DAZAP1: variants seen among roughly 807,000 people sequenced by gnomAD.
DAZAP1 encodes DAZ-associated protein 1.
A neutral mutation model predicts 60.1 loss-of-function variants in DAZAP1; 6 were observed. The ratio of observed to expected loss-of-function variants is 0.10; its 90% CI spans 0.05 to 0.20. DAZAP1 has a LOEUF of 0.20. DAZAP1 is among the 10% of genes least tolerant of loss of function. The pLI, the probability that DAZAP1 is intolerant of heterozygous loss-of-function variation, is 1.00. For synonymous variants in DAZAP1, 235 were observed against 215.9 expected (o/e 1.09, Z -0.78); for missense variants, 366 against 560.4 (o/e 0.65, Z 3.50).
rs2083473472 is a variant in DAZAP1 at position 1,432,348 on chromosome 19, G to A, written c.872-166G>A. The A allele has an allele frequency of 1.1e-5, 8 of 723,152 alleles. No individual in the cohort carries two copies. Among genetic ancestry groups the A allele is most frequent in the Admixed American group, 4.2e-5 (2 of 47,622 alleles). 44.8% of individuals were successfully genotyped at this position (723,152 alleles called of 1,614,324 possible). A position where few individuals can be genotyped will look rare whatever the true frequency, so the allele number is the denominator to read the frequency against. On this transcript the variant is annotated intron_variant, in intron 10 of 11. Transcript: ENST00000233078. This position sits in a 1 kb window ranked among gnomAD's most constrained non-coding sequence, Gnocchi z 4.9. ...TTCCTGGGGGGAGCGGCCCGGGACCGTGGCTCTGTGGTCCATTCTGTGGAT... is the reference window on the plus strand; with the variant it reads ...TTCCTGGGGGGAGCGGCCCGGGACCATGGCTCTGTGGTCCATTCTGTGGAT...
intron 1 of DAZAP1, among the ~76,000 whole-genome samples, chr19:1,410,490 C>T (rs1305669003): frequency 2.0e-5 from 3 of 152,196 alleles, no homozygotes; most frequent in African/African-American, 4.8e-5. Context: ...GCTCAGAGCA[C>T]GCGCGATCAG....
intron 1 of DAZAP1, among the ~76,000 whole-genome samples, chr19:1,408,196 G>T (rs569051995): frequency 1.2e-3 from 183 of 152,180 alleles, no homozygotes; most frequent in African/African-American, 4.1e-3. Context: ...GAGCCAGAGG[G>T]GTTCAGGGGC....
intron 1 of DAZAP1, among the ~76,000 whole-genome samples, chr19:1,413,720 T>C (rs2144726680): frequency 6.6e-6 from 1 of 152,288 alleles, no homozygotes; most frequent in Non-Finnish European, 1.5e-5. Flanking sequence ...GCGGGTCACC[T>C]GCGGTGGGGA....
Position 1,422,798 on chromosome 19 carries a change from C to G in DAZAP1, c.463+402C>G. On this transcript the variant is annotated intron_variant, in intron 6 of 11. Coordinates refer to ENST00000233078, the MANE Select transcript of DAZAP1 (RefSeq NM_018959.4). The surrounding 1 kb of genome is among the most constrained non-coding windows in gnomAD (Gnocchi z 4.5). The stretch of plus-strand genomic sequence containing the variant: ...GGCTCGGTGTGGAGTTTGGATTTTC[C>G]GTGATCCATCCCATGCTTTTTTTTT... Among the ~76,000 whole-genome samples, 1 of 152,070 alleles carries G rather than the reference C, an allele frequency of 6.6e-6. No individual in the cohort carries two copies. Among genetic ancestry groups the G allele is most frequent in the East Asian group, 1.9e-4 (1 of 5,196 alleles).
rs1367429653 is a variant in DAZAP1 at position 1,425,276 on chromosome 19, A to G, written c.464-602A>G. Among the ~76,000 whole-genome samples the G allele has an allele frequency of 6.6e-6, 1 of 152,200 alleles. No individual in the cohort carries two copies. Among genetic ancestry groups the G allele is most frequent in the Non-Finnish European group, 1.5e-5 (1 of 68,022 alleles). Reference sequence around the variant, plus strand: ...AGCTATGATAGATACTGTATCTGTTAACGCTTTAGAACGATATATGGCTGC... The same window carrying G: ...AGCTATGATAGATACTGTATCTGTTGACGCTTTAGAACGATATATGGCTGC... On this transcript the variant is annotated intron_variant, in intron 6 of 11. Transcript: ENST00000233078. This position sits in a 1 kb window ranked among gnomAD's most constrained non-coding sequence, Gnocchi z 5.4.
Position 1,433,658 on chromosome 19 carries a change from C to A in DAZAP1, c.1048+968C>A. ...GACTGGCAGGGGGGTGTGAGGCGCC[C>A]GGTTGGGGCGTGGCGTGTGTCAGCC... On this transcript the variant is annotated intron_variant, in intron 11 of 11. Transcript: ENST00000233078. This position sits in a 1 kb window ranked among gnomAD's most constrained non-coding sequence, Gnocchi z 6.1. 1.7e-6 allele frequency: 2 copies of A among 1,205,824 alleles called. No individual in the cohort carries two copies. The highest frequency in any genetic ancestry group is 2.6e-4 in the Middle Eastern group (1 of 3,916). 74.7% of individuals were successfully genotyped at this position (1,205,824 alleles called of 1,614,324 possible).
rs73920478 is a variant in DAZAP1 at position 1,413,194 on chromosome 19, G to T, written c.30-4306G>T. ...GCCTGGAGCTGAGGACAAGCGGACCGCCAGCCCCGTAGCAAGCCCACGAGA... is the reference window on the plus strand; with the variant it reads ...GCCTGGAGCTGAGGACAAGCGGACCTCCAGCCCCGTAGCAAGCCCACGAGA... On this transcript the variant is annotated intron_variant, in intron 1 of 11. Coordinates refer to ENST00000233078, the MANE Select transcript of DAZAP1 (RefSeq NM_018959.4). Among the ~76,000 whole-genome samples, 583 of 152,348 alleles carry T rather than the reference G, an allele frequency of 3.8e-3. 2 individuals carry two copies. The highest frequency in any genetic ancestry group is 0.013 in the African/African-American group (558 of 41,582).
chr19:1,415,353 ATGTGTGTGTGTGTGTG>A (rs61360796), intron 1 of DAZAP1, among the ~76,000 whole-genome samples: 7 of 109,408 alleles, frequency 6.4e-5, no homozygotes, highest in South Asian at 3.1e-4. Context: ...TCAGGGTTTT[ATGTGTGTGTGTGTGTG>A]TGTGTGTGTG....
At position 1,435,121 on chromosome 19, in the gene DAZAP1, A is replaced by G; in HGVS notation, c.*209A>G. On this transcript the variant is annotated 3_prime_UTR_variant, in exon 12 of 12. Coordinates refer to ENST00000233078, the MANE Select transcript of DAZAP1 (RefSeq NM_018959.4). Reference sequence around the variant, plus strand: ...CTAACCCATCAGCACAATAAAAAAAAGTCACTGGTTCAACAACAGGGTTTA... The same window carrying G: ...CTAACCCATCAGCACAATAAAAAAAGGTCACTGGTTCAACAACAGGGTTTA... 1 of 358,670 alleles carries G rather than the reference A, an allele frequency of 2.8e-6. No homozygotes were observed. 22.2% of individuals were successfully genotyped at this position (358,670 alleles called of 1,614,324 possible).
chr19:1,421,354 C>A, intron 5 of DAZAP1, 96 bp downstream of exon 5: 2 of 1,060,380 alleles, frequency 1.9e-6, no homozygotes, highest in Non-Finnish European at 1.4e-6. Flanking sequence ...GCCACAGGTG[C>A]ACGGGCCTTT....
chr19:1,424,972 C>T (rs961274991), intron 6 of DAZAP1, among the ~76,000 whole-genome samples: 4 of 152,178 alleles, frequency 2.6e-5, no homozygotes, highest in East Asian at 1.9e-4. Flanking sequence ...AGCCGGGGGC[C>T]GCGCCCACCC....
chr19:1,434,997 T>G lies in DAZAP1; in HGVS notation c.*85T>G. ...GACAATCACAAACTTGGCGGCAAAGTGGCGACTCAACCTTGGGGGGGGGGG... is the reference window on the plus strand; with the variant it reads ...GACAATCACAAACTTGGCGGCAAAGGGGCGACTCAACCTTGGGGGGGGGGG... On this transcript the variant is annotated 3_prime_UTR_variant, in exon 12 of 12. Transcript: ENST00000233078. This position sits in a 1 kb window ranked among gnomAD's most constrained non-coding sequence, Gnocchi z 8.0. 1 of 125,606 alleles carries G rather than the reference T, an allele frequency of 8.0e-6. No homozygotes were observed. Among genetic ancestry groups the G allele is most frequent in the Non-Finnish European group, 1.2e-5 (1 of 80,124 alleles). The allele number at this position is 125,606 out of a possible 1,614,324, so 7.8% of individuals were successfully genotyped here.
At chr19:1,419,671 G>C (rs1485141661) in intron 4 of DAZAP1, among the ~76,000 whole-genome samples, 2 of 152,144 alleles carry the variant, frequency 1.3e-5, no homozygotes, top group African/African-American at 4.8e-5. Flanking sequence ...TGTCTCTCTA[G>C]CTTTTCTTAA....
At position 1,418,425 on chromosome 19, in the gene DAZAP1, T is replaced by G. The variant is rs1272883836; in HGVS notation, c.237+55T>G. 3.1e-6 allele frequency: 5 copies of G among 1,590,424 alleles called. No individual in the cohort carries two copies. The East Asian group carries it at 1.1e-4, about 36-fold the overall frequency. On this transcript the variant is annotated intron_variant, in intron 3 of 11. Transcript: ENST00000233078. The surrounding 1 kb of genome is among the most constrained non-coding windows in gnomAD (Gnocchi z 5.7). ...CTCTCTGTCTCCCCTGTCCTTCCTC[T>G]GCTTCATTTTTTCCTGGACTCTGAC...
Position 1,418,224 on chromosome 19 carries a change from T to A in DAZAP1, c.91T>A (p.Ser31Thr), listed in dbSNP as rs1235856442. 3 of 1,614,176 alleles carry A rather than the reference T, an allele frequency of 1.9e-6. No homozygotes were observed. The highest frequency in any genetic ancestry group is 1.7e-6 in the Non-Finnish European group (2 of 1,180,018). The change falls in exon 3 of 12, where the codon TCC becomes ACC. Residue 31 changes from serine (S) to threonine (T), a missense_variant. Ser to Thr is a moderately conservative substitution (Grantham distance 58). Coordinates refer to ENST00000233078, the MANE Select transcript of DAZAP1 (RefSeq NM_018959.4). The surrounding 1 kb of genome is among the most constrained non-coding windows in gnomAD (Gnocchi z 5.7). ...TTQETLRSYFSQYGEVVDCVI... is the reference protein window; with the variant it reads ...TTQETLRSYFTQYGEVVDCVI... The stretch of plus-strand genomic sequence containing the variant: ...AGCAGAGACTCTGCGCAGCTACTTT[T>A]CCCAATATGGAGAAGTCGTAGATTG...
chr19:1,411,279 C>T (rs1316657388), intron 1 of DAZAP1, among the ~76,000 whole-genome samples: 1 of 152,202 alleles, frequency 6.6e-6, no homozygotes, highest in East Asian at 1.9e-4. Flanking sequence ...TCTGGGGCAC[C>T]GTGGGCACTG....
chr19:1,429,102 C>T, intron 8 of DAZAP1, 107 bp downstream of exon 8: 1 of 1,341,524 alleles, frequency 7.5e-7, no homozygotes, highest in South Asian at 1.5e-5. Flanking sequence ...GCTGTGCATG[C>T]ACAGAGCCGC....
rs2082703638 is a variant in DAZAP1 at position 1,407,657 on chromosome 19, C to CCGCCGT, written c.-116_-111dup. 1 of 969,896 alleles carries CCGCCGT rather than the reference C, an allele frequency of 1.0e-6. No individual in the cohort carries two copies. The highest frequency in any genetic ancestry group is 1.8e-5 in the African/African-American group (1 of 55,506). The allele number at this position is 969,896 out of a possible 1,614,324, so 60.1% of individuals were successfully genotyped here. On this transcript the variant is annotated 5_prime_UTR_variant, in exon 1 of 12. Coordinates refer to ENST00000233078, the MANE Select transcript of DAZAP1 (RefSeq NM_018959.4). ...GCCGCCGCCGCCGCCGCCGCCGCCG[C>CCGCCGT]CGCCGTTGCGCAGATCCGGGCCGCG...
rs1339972246 is a variant in DAZAP1 at position 1,428,904 on chromosome 19, C to T, written c.609C>T (p.Ala203=). The T allele has an allele frequency of 8.1e-6, 13 of 1,612,874 alleles. No individual in the cohort carries two copies. The African/African-American group carries it at 1.5e-4, about 18-fold the overall frequency. The change falls in exon 8 of 12, where the codon GCC becomes GCT. Residue 203 remains alanine, a synonymous_variant. Coordinates refer to ENST00000233078, the MANE Select transcript of DAZAP1 (RefSeq NM_018959.4). The surrounding 1 kb of genome is among the most constrained non-coding windows in gnomAD (Gnocchi z 4.0). ...SKSQAPGQPG[A]SQWGSRVVPN... ...GCCAAGCGCCGGGACAGCCAGGTGC[C>T]AGCCAGTGGGGGAGCCGGGTTGTGC...
Sources: gnomAD v4.1 joint callset for allele counts (sites outside exome capture counted in the v4.1 genomes callset) on GRCh38, gnomAD v4.1.1 for gene constraint, Gnocchi (gnomAD v3.1) non-coding constraint, MANE v1.5 for transcripts, NCBI Gene and HGNC (gene_info 2026-07-23, HGNC 2026-07-21) for gene names.